GPR176: variants seen among roughly 807,000 people sequenced by gnomAD.
The protein encoded by GPR176 is G-protein coupled receptor 176.
In GPR176, 26 loss-of-function variants were observed where a neutral mutation model predicts 35.4. The observed-to-expected ratio is 0.74, with a 90% CI of 0.54 to 1.02. The LOEUF (loss-of-function observed/expected upper bound fraction) is 1.02, where lower values mean the gene tolerates loss of function less well. Among genes scored for constraint, GPR176 ranks in the 50% least tolerant of loss-of-function variants. The pLI, the probability that GPR176 is intolerant of heterozygous loss-of-function variation, is 0.00. For missense variants in GPR176, 597 were observed against 665.3 expected (o/e 0.90, Z 1.13); for synonymous variants, 278 against 271.3 (o/e 1.02, Z -0.24).
chr15:39,830,164 C>T (rs752843049), intron 1 of GPR176, among the ~76,000 whole-genome samples: 1 of 152,068 alleles, frequency 6.6e-6, no homozygotes, highest in African/African-American at 2.4e-5. Flanking sequence ...TTAAGAGTTA[C>T]AAACTACTAC....
chr15:39,847,873 T>C (rs2030560254), intron 1 of GPR176, among the ~76,000 whole-genome samples: 1 of 152,060 alleles, frequency 6.6e-6, no homozygotes, highest in Non-Finnish European at 1.5e-5. Flanking sequence ...GAGGTTCAAT[T>C]GGTTCACAGT....
At chr15:39,885,118 C>T (rs2032624032) in intron 1 of GPR176, among the ~76,000 whole-genome samples, 1 of 152,118 alleles carries the variant, frequency 6.6e-6, no homozygotes, top group African/African-American at 2.4e-5. Context: ...TCACAATTGA[C>T]TTATGTTACC....
chr15:39,836,425 G>A (rs1159061847), intron 1 of GPR176, among the ~76,000 whole-genome samples: 1 of 152,212 alleles, frequency 6.6e-6, no homozygotes, highest in East Asian at 1.9e-4. Flanking sequence ...TGACATGCCT[G>A]CTCCTTCTTT....
At chr15:39,856,682 C>T (rs2031243821) in intron 1 of GPR176, among the ~76,000 whole-genome samples, 1 of 152,208 alleles carries the variant, frequency 6.6e-6, no homozygotes, top group African/African-American at 2.4e-5. Flanking sequence ...GCCGCAATGT[C>T]TTTTAAGACC....
At chr15:39,885,226 C>A (rs577167486) in intron 1 of GPR176, among the ~76,000 whole-genome samples, 18 of 152,294 alleles carry the variant, frequency 1.2e-4, no homozygotes, top group Middle Eastern at 3.4e-3. Flanking sequence ...TAAAGATATA[C>A]CAGCTCCTCA....
chr15:39,886,596 C>T (rs1056549397), intron 1 of GPR176, among the ~76,000 whole-genome samples: 11 of 152,188 alleles, frequency 7.2e-5, no homozygotes, highest in African/African-American at 2.7e-4. Context: ...ACACTTGGCA[C>T]ACGAATACTA....
chr15:39,836,749 C>T (rs1901422956), intron 1 of GPR176, among the ~76,000 whole-genome samples: 1 of 152,108 alleles, frequency 6.6e-6, no homozygotes, highest in Non-Finnish European at 1.5e-5. Flanking sequence ...AAACCCTTTA[C>T]TCTGGGTCCC....
intron 2 of GPR176, 47 bp downstream of exon 2, chr15:39,806,959 T>C: frequency 1.3e-6 from 2 of 1,534,970 alleles, no homozygotes; most frequent in Non-Finnish European, 1.7e-6. Context: ...GCTAATTTTT[T>C]AATACAACTT....
intron 1 of GPR176, among the ~76,000 whole-genome samples, chr15:39,909,092 A>T (rs1345811777): frequency 6.6e-6 from 1 of 152,224 alleles, no homozygotes; most frequent in Non-Finnish European, 1.5e-5. Context: ...TGGAAAGTTT[A>T]AAACACCACT....
intron 1 of GPR176, among the ~76,000 whole-genome samples, chr15:39,823,063 C>T (rs1900383928): frequency 6.6e-6 from 1 of 152,212 alleles, no homozygotes; most frequent in Admixed American, 6.5e-5. Context: ...GGTTTCCCTG[C>T]TACTGCTTTG....
At chr15:39,899,853 A>C (rs1321330568) in intron 1 of GPR176, among the ~76,000 whole-genome samples, 1 of 152,228 alleles carries the variant, frequency 6.6e-6, no homozygotes, top group African/African-American at 2.4e-5. Context: ...TGCATTCATA[A>C]CTGGCTTAAT....
intron 1 of GPR176, among the ~76,000 whole-genome samples, chr15:39,872,911 CTGTGTGTGTGTGTGTGTGTGTGTGTGTG>C (rs6145533): frequency 9.9e-5 from 14 of 141,500 alleles, no homozygotes; most frequent in African/African-American, 2.1e-4. Context: ...TCCAAAATAT[CTGTGTGTGTGTGTGTGTGTGTGTGTGTG>C]TGTGTGTGTG....
At chr15:39,866,436 CA>C (rs1372223490) in intron 1 of GPR176, among the ~76,000 whole-genome samples, 2 of 152,018 alleles carry the variant, frequency 1.3e-5, no homozygotes, top group Non-Finnish European at 2.9e-5. Context: ...CATAACTACA[CA>C]AAGAAAGAAT....
intron 1 of GPR176, among the ~76,000 whole-genome samples, chr15:39,816,146 T>C (rs551324563): frequency 1.6e-4 from 24 of 152,150 alleles, no homozygotes; most frequent in African/African-American, 2.2e-4. Flanking sequence ...GGACGAAGCG[T>C]TGGAGAGATA....
chr15:39,835,515 G>GC (rs35580323), intron 1 of GPR176, among the ~76,000 whole-genome samples: 44,930 of 151,946 alleles, frequency 0.3, 7,570 homozygotes, highest in Non-Finnish European at 0.39. Context: ...TAGGAGCTCT[G>GC]CCCCAAAAAA....
At chr15:39,867,117 C>T (rs981111874) in intron 1 of GPR176, among the ~76,000 whole-genome samples, 9 of 152,188 alleles carry the variant, frequency 5.9e-5, no homozygotes, top group African/African-American at 1.9e-4. Flanking sequence ...ATGGTTCTTA[C>T]TCTGAGAGTA....
intron 1 of GPR176, among the ~76,000 whole-genome samples, chr15:39,876,298 C>T (rs539611560): frequency 1.3e-5 from 2 of 152,208 alleles, no homozygotes; most frequent in African/African-American, 4.8e-5. Context: ...TGATAGTAAA[C>T]ATGTGAAATA....
chr15:39,910,650 C>A (rs1454398337), intron 1 of GPR176, among the ~76,000 whole-genome samples: 1 of 152,016 alleles, frequency 6.6e-6, no homozygotes, highest in Non-Finnish European at 1.5e-5. Flanking sequence ...ATACTGTACA[C>A]CAAATTCAGC....
chr15:39,868,475 G>A (rs544723626), intron 1 of GPR176, among the ~76,000 whole-genome samples: 7 of 152,264 alleles, frequency 4.6e-5, no homozygotes, highest in East Asian at 1.9e-4. Context: ...AATGAGATAC[G>A]AAGTAGGAAT....
Sources: allele counts gnomAD v4.1 joint callset (sites outside exome capture counted in the v4.1 genomes callset), GRCh38; gene constraint gnomAD v4.1.1; transcripts MANE v1.5; gene names NCBI Gene and HGNC (gene_info 2026-07-23, HGNC 2026-07-21).